Variants in NCAM2 observed in about 807,000 individuals in gnomAD.
NCAM2 encodes the protein neural cell adhesion molecule 2.
NCAM2 carries 30 observed loss-of-function variants against 98.1 expected under a neutral mutation model. The observed-to-expected ratio is 0.31, with a 90% CI of 0.23 to 0.41. The LOEUF (loss-of-function observed/expected upper bound fraction) is 0.41, where lower values mean the gene tolerates loss of function less well. NCAM2 is among the 10% of genes least tolerant of loss of function. The pLI, the probability that NCAM2 is intolerant of heterozygous loss-of-function variation, is 1.00. For missense variants in NCAM2, 867 were observed against 1,005.8 expected, an observed-to-expected ratio of 0.86 and a Z score of 1.87; for synonymous variants, 368 against 342.4, an observed-to-expected ratio of 1.07 and a Z score of -0.83.
At chr21:21,529,866 A>G (rs948869275) in intron 16 of NCAM2, among the ~76,000 whole-genome samples, 2 of 151,194 alleles carry the variant, frequency 1.3e-5, no homozygotes, top group Non-Finnish European at 3.0e-5. Flanking sequence ...ATTTAATAAT[A>G]TCACCTTTTA....
intron 4 of NCAM2, among the ~76,000 whole-genome samples, chr21:21,290,957 C>T (rs2073269493): frequency 6.6e-6 from 1 of 151,754 alleles, no homozygotes. Context: ...GATGGAGACT[C>T]TGCCTTTTTC....
At chr21:21,075,567 A>G (rs1418275584) in intron 1 of NCAM2, among the ~76,000 whole-genome samples, 2 of 152,086 alleles carry the variant, frequency 1.3e-5, no homozygotes, top group Non-Finnish European at 2.9e-5. Flanking sequence ...TCAATATTTC[A>G]CCATTAATTA....
chr21:21,452,648 A>AAT (rs1199963542), intron 12 of NCAM2, among the ~76,000 whole-genome samples: 2 of 112,796 alleles, frequency 1.8e-5, no homozygotes, highest in Admixed American at 1.2e-4. Flanking sequence ...ATTATATATA[A>AAT]ATATATATAT....
intron 12 of NCAM2, among the ~76,000 whole-genome samples, chr21:21,453,477 A>G (rs1981651302): frequency 6.6e-6 from 1 of 152,048 alleles, no homozygotes; most frequent in African/African-American, 2.4e-5. Context: ...TATGGAGAAG[A>G]CTTTGCATTT....
chr21:21,094,626 G>C (rs1601349000), intron 1 of NCAM2, among the ~76,000 whole-genome samples: 2 of 151,606 alleles, frequency 1.3e-5, no homozygotes, highest in African/African-American at 4.8e-5. Context: ...ATGAATTTCA[G>C]TTATGTCAAC....
At chr21:20,999,240 C>T (rs1003447674) in intron 1 of NCAM2, among the ~76,000 whole-genome samples, 1 of 151,866 alleles carries the variant, frequency 6.6e-6, no homozygotes, top group African/African-American at 2.4e-5. Flanking sequence ...TCATTTTGAC[C>T]CCAACCCCTT....
intron 1 of NCAM2, among the ~76,000 whole-genome samples, chr21:21,149,953 A>G (rs548917545): frequency 6.6e-6 from 1 of 152,132 alleles, no homozygotes; most frequent in East Asian, 1.9e-4. Context: ...GCTGGATCAA[A>G]TGGTGTTTCT....
At chr21:21,270,533 T>A (rs73318669) in intron 1 of NCAM2, among the ~76,000 whole-genome samples, 1,829 of 152,334 alleles carry the variant, frequency 0.012, 33 homozygotes, top group African/African-American at 0.042. Context: ...ACTAATAAAC[T>A]AATTGCTAGG....
At chr21:21,152,015 T>C (rs924137001) in intron 1 of NCAM2, among the ~76,000 whole-genome samples, 18 of 152,008 alleles carry the variant, frequency 1.2e-4, no homozygotes, top group African/African-American at 7.2e-5. Context: ...TAATAAAATG[T>C]GGAAATTTTC....
chr21:21,439,072 C>A (rs1387957781), intron 12 of NCAM2, among the ~76,000 whole-genome samples: 2 of 151,150 alleles, frequency 1.3e-5, no homozygotes, highest in African/African-American at 4.9e-5. Flanking sequence ...GGCAACACAA[C>A]AAGATACTGT....
At chr21:21,354,564 C>T (rs2075420722) in intron 8 of NCAM2, among the ~76,000 whole-genome samples, 1 of 152,180 alleles carries the variant, frequency 6.6e-6, no homozygotes, top group African/African-American at 2.4e-5. Flanking sequence ...CGTATCCACC[C>T]TCCCCCAGTG....
intron 1 of NCAM2, among the ~76,000 whole-genome samples, chr21:21,112,623 A>G (rs2066476776): frequency 6.6e-6 from 1 of 152,206 alleles, no homozygotes; most frequent in Admixed American, 6.5e-5. Context: ...GGATGGTATC[A>G]GTCCTGATAA....
intron 1 of NCAM2, among the ~76,000 whole-genome samples, chr21:21,030,007 A>T (rs1213758669): frequency 6.6e-6 from 1 of 152,202 alleles, no homozygotes; most frequent in Non-Finnish European, 1.5e-5. Flanking sequence ...TTAATTAAAT[A>T]TGTTGAAATC....
At chr21:21,148,118 G>T (rs1569076361) in intron 1 of NCAM2, among the ~76,000 whole-genome samples, 1 of 152,066 alleles carries the variant, frequency 6.6e-6, no homozygotes, top group Non-Finnish European at 1.5e-5. Context: ...ACATTGGGAA[G>T]GGCCATGTGC....
At chr21:21,375,445 G>T (rs979311388) in intron 9 of NCAM2, among the ~76,000 whole-genome samples, 7 of 151,708 alleles carry the variant, frequency 4.6e-5, no homozygotes, top group Admixed American at 2.0e-4. Context: ...TTCTAAGAAA[G>T]CCACTTTATT....
chr21:21,483,311 G>A (rs1159598385), intron 15 of NCAM2, among the ~76,000 whole-genome samples: 1 of 151,630 alleles, frequency 6.6e-6, no homozygotes, highest in Non-Finnish European at 1.5e-5. Context: ...TGCCCTCTGG[G>A]AACATGTAAT....
intron 1 of NCAM2, among the ~76,000 whole-genome samples, chr21:21,068,710 G>C (rs893575016): frequency 6.6e-6 from 1 of 151,992 alleles, no homozygotes; most frequent in Non-Finnish European, 1.5e-5. Context: ...TGCCCACCTC[G>C]GTCTCCCAAG....
chr21:21,214,896 A>G (rs1229680653), intron 1 of NCAM2, among the ~76,000 whole-genome samples: 1 of 151,296 alleles, frequency 6.6e-6, no homozygotes, highest in African/African-American at 2.4e-5. Context: ...TGAAAAGGAA[A>G]TTAGGATTGT....
chr21:21,224,307 A>G (rs947148070), intron 1 of NCAM2, among the ~76,000 whole-genome samples: 1 of 152,156 alleles, frequency 6.6e-6, no homozygotes, highest in Non-Finnish European at 1.5e-5. Flanking sequence ...TCTGCTTCAG[A>G]TGTTACTGTA....
Sources: gnomAD v4.1 joint callset for allele counts (sites outside exome capture counted in the v4.1 genomes callset) on GRCh38, gnomAD v4.1.1 for gene constraint, MANE v1.5 for transcripts, NCBI Gene and HGNC (gene_info 2026-07-23, HGNC 2026-07-21) for gene names.